Variants in LAMC3 observed in about 807,000 individuals in gnomAD.
LAMC3 encodes laminin subunit gamma 3.
In LAMC3, 128 loss-of-function variants were observed where a neutral mutation model predicts 173.8. The ratio of observed to expected loss-of-function variants is 0.74; its 90% CI spans 0.64 to 0.85. The LOEUF (loss-of-function observed/expected upper bound fraction) is 0.85, where lower values mean the gene tolerates loss of function less well. Ranked by LOEUF, LAMC3 falls within the 40% of genes least tolerant of loss-of-function variation. LAMC3 has a pLI of 0.00. For missense variants in LAMC3, 2,022 were observed against 2,156.0 expected (o/e 0.94, Z 1.23); for synonymous variants, 897 against 909.1 (o/e 0.99, Z 0.24).
intron 4 of LAMC3, among the ~76,000 whole-genome samples, chr9:131,037,781 T>C (rs943266050): frequency 6.6e-6 from 1 of 152,216 alleles, no homozygotes; most frequent in Admixed American, 6.5e-5. Flanking sequence ...GCGTGAGCCA[T>C]GGCACTGGGC....
intron 11 of LAMC3, among the ~76,000 whole-genome samples, chr9:131,053,531 C>T (rs1386750328): frequency 1.3e-5 from 2 of 152,144 alleles, no homozygotes; most frequent in Non-Finnish European, 2.9e-5. Flanking sequence ...TCTACCCACA[C>T]GCTATTTTAA....
chr9:131,032,057 A>G lies in LAMC3; in HGVS notation c.691A>G (p.Ser231Gly). Reference sequence around the variant, plus strand: ...CCCTCTGCCCCAGGAGTGGGTCACCAGCACCGAACTCCTCATCTCTCTAGA... The same window carrying G: ...CCCTCTGCCCCAGGAGTGGGTCACCGGCACCGAACTCCTCATCTCTCTAGA... ...ESPGLQEWVT[S>G]TELLISLDRL... Residue 231 changes from serine (S) to glycine (G), a missense_variant, in exon 3 of 28, where the codon AGC becomes GGC. Physicochemically the swap from Ser to Gly is moderately conservative, Grantham distance 56. Coordinates refer to ENST00000361069, the MANE Select transcript of LAMC3 (RefSeq NM_006059.4). 4 of 1,613,986 alleles carry G rather than the reference A, an allele frequency of 2.5e-6. No homozygotes were observed. The highest frequency in any genetic ancestry group is 3.4e-6 in the Non-Finnish European group (4 of 1,179,948).
intron 6 of LAMC3, among the ~76,000 whole-genome samples, chr9:131,040,071 G>T (rs1834020876): frequency 7.0e-6 from 1 of 143,066 alleles, no homozygotes; most frequent in Admixed American, 7.2e-5. Context: ...CTGGAATGCA[G>T]TGGTGCCATC....
chr9:131,040,179 T>C (rs988442730), intron 6 of LAMC3, among the ~76,000 whole-genome samples: 1 of 144,346 alleles, frequency 6.9e-6, no homozygotes, highest in Non-Finnish European at 1.5e-5. Context: ...ATGCCCACTA[T>C]CTCTATTTTT....
At position 131,049,047 on chromosome 9, in the gene LAMC3, T is replaced by TG. The variant is rs1564375476; in HGVS notation, c.1553dup (p.Ser519LeufsTer2). On this transcript the variant is annotated frameshift_variant, in exon 9 of 28. Coordinates refer to ENST00000361069, the MANE Select transcript of LAMC3 (RefSeq NM_006059.4). LOFTEE classifies it high-confidence loss of function. ...GCCGAAGGCTGGTGGGCCAGAAGTGTGGGGGGCTCTGAGCACCCCCCACAA... is the reference window on the plus strand; with the variant it reads ...GCCGAAGGCTGGTGGGCCAGAAGTGTGGGGGGGCTCTGAGCACCCCCCACAA... 6 of 1,550,930 alleles carry TG rather than the reference T, an allele frequency of 3.9e-6. No individual in the cohort carries two copies. The Admixed American group carries it at 5.9e-5, about 15-fold the overall frequency.
At chr9:131,083,163 T>C (rs901252535) in intron 24 of LAMC3, among the ~76,000 whole-genome samples, 13 of 152,224 alleles carry the variant, frequency 8.5e-5, no homozygotes, top group African/African-American at 3.1e-4. Context: ...GCTGCAAATC[T>C]CACACCTGGC....
At chr9:131,044,450 C>T (rs1037533724) in intron 7 of LAMC3, among the ~76,000 whole-genome samples, 2 of 152,100 alleles carry the variant, frequency 1.3e-5, no homozygotes, top group Non-Finnish European at 2.9e-5. Context: ...ACAGAGGTTA[C>T]AGTGAGCTGA....
In LAMC3 at chr9:131,009,319, C is replaced by A; in HGVS notation, c.105C>A (p.Cys35Ter). Residue 35 changes from cysteine to a stop codon, truncating the protein, a stop_gained, in exon 1 of 28, where the codon TGC (cysteine) becomes TGA (stop). Transcript: ENST00000361069. LOFTEE classifies it high-confidence loss of function. This position sits in a 1 kb window ranked among gnomAD's most constrained non-coding sequence, Gnocchi z 4.3. The stretch of plus-strand genomic sequence containing the variant: ...ACGGCGCAGGGCGCCCGCAGCGCTG[C>A]CTGCCGGTGTTCGAGAACGCGGCGT... ...CYDGAGRPQRCLPVFENAAFG... is the reference protein window; with the variant it reads ...CYDGAGRPQR 1 of 1,474,066 alleles carries A rather than the reference C, an allele frequency of 6.8e-7. No homozygotes were observed. Among genetic ancestry groups the A allele is most frequent in the South Asian group, 1.3e-5 (1 of 77,120 alleles). 91.3% of individuals were successfully genotyped at this position (1,474,066 alleles called of 1,614,324 possible). A position where few individuals can be genotyped will look rare whatever the true frequency, so the allele number is the denominator to read the frequency against.
At chr9:131,060,950 A>C in intron 12 of LAMC3, 85 bp from the exon 13 acceptor site, 1 of 1,398,308 alleles carries the variant, frequency 7.2e-7, no homozygotes, top group Non-Finnish European at 1.0e-6. Flanking sequence ...TCTGCCCGGG[A>C]TGTGCTCCCT....
chr9:131,027,872 G>A (rs1056111643), intron 2 of LAMC3, among the ~76,000 whole-genome samples: 5 of 152,218 alleles, frequency 3.3e-5, no homozygotes, highest in African/African-American at 1.2e-4. Context: ...CTCCAGTTCA[G>A]CCCACGTAGG....
At chr9:131,079,827 C>G (rs1241388947) in intron 23 of LAMC3, among the ~76,000 whole-genome samples, 1 of 152,080 alleles carries the variant, frequency 6.6e-6, no homozygotes, top group Non-Finnish European at 1.5e-5. Context: ...CAGAGGACAG[C>G]AGCAGCAGCA....
intron 7 of LAMC3, among the ~76,000 whole-genome samples, chr9:131,042,478 T>G (rs535331851): frequency 2.2e-4 from 32 of 145,262 alleles, no homozygotes; most frequent in African/African-American, 8.0e-4. Flanking sequence ...CAACCCTCCC[T>G]TTTCACACTC....
At position 131,009,411 on chromosome 9, in the gene LAMC3, G is replaced by A; in HGVS notation, c.197G>A (p.Gly66Asp). ...SPPEDFCPHV[G>D]AAGAGAHCQR... ...CCCGAGGACTTCTGTCCCCACGTGG[G>A]CGCCGCGGGCGCGGGGGCTCATTGC... The change falls in exon 1 of 28, where the codon GGC becomes GAC. Residue 66 changes from glycine to aspartate, a missense_variant. Coordinates refer to ENST00000361069, the MANE Select transcript of LAMC3 (RefSeq NM_006059.4). This position sits in a 1 kb window ranked among gnomAD's most constrained non-coding sequence, Gnocchi z 4.3. The A allele has an allele frequency of 6.5e-7, 1 of 1,540,474 alleles. No individual in the cohort carries two copies. The highest frequency in any genetic ancestry group is 8.7e-7 in the Non-Finnish European group (1 of 1,145,046).
intron 1 of LAMC3, among the ~76,000 whole-genome samples, chr9:131,012,694 AGGCCGTCTGATGACCT>A (rs1168400814): frequency 6.6e-6 from 1 of 152,124 alleles, no homozygotes; most frequent in African/African-American, 2.4e-5. Flanking sequence ...TCCCCTGTGG[AGGCCGTCTGATGACCT>A]CTCCTCCTGG....
At position 131,092,289 on chromosome 9, in the gene LAMC3, G is replaced by A. The variant is rs1404006430; in HGVS notation, c.*502G>A. 3 of 184,482 alleles carry A rather than the reference G, an allele frequency of 1.6e-5. No individual in the cohort carries two copies. The highest frequency in any genetic ancestry group is 1.6e-4 in the Admixed American group (3 of 18,658). The allele number at this position is 184,482 out of a possible 1,614,324, so 11.4% of individuals were successfully genotyped here. ...TCTCAGCAGATCTGCAGAGATCAAG[G>A]GGGTCAGCAACAGCCAAAGCCCCTA... On this transcript the variant is annotated 3_prime_UTR_variant, in exon 28 of 28. Coordinates refer to ENST00000361069, the MANE Select transcript of LAMC3 (RefSeq NM_006059.4).
In LAMC3 at chr9:131,058,110, T is replaced by G. The variant is rs76306480; in HGVS notation, c.2158+963T>G. On this transcript the variant is annotated intron_variant, in intron 12 of 27. Coordinates refer to ENST00000361069, the MANE Select transcript of LAMC3 (RefSeq NM_006059.4). The stretch of plus-strand genomic sequence containing the variant: ...TCTCACTTCTTTTTATTTTATTTTA[T>G]GTTTTATTTTTTATTTTTTGTGGGG... Among the ~76,000 whole-genome samples the G allele has an allele frequency of 9.8e-3, 704 of 71,908 alleles. 22 individuals are homozygous for G. The East Asian group carries it at 0.1, about 10-fold the overall frequency. 47.2% of individuals were successfully genotyped at this position (71,908 alleles called of 152,430 possible).
At chr9:131,068,780 A>G in intron 15 of LAMC3, 128 bp from the exon 16 acceptor site, 3 of 922,074 alleles carry the variant, frequency 3.3e-6, no homozygotes, top group Non-Finnish European at 5.0e-6. Flanking sequence ...TGTGCCATGC[A>G]CCGAGAGGAG....
In LAMC3 at chr9:131,024,752, CTTGCTAGGCACT is replaced by C. The variant is rs1833688172; in HGVS notation, c.374-1532_374-1521del. 7.9e-5 allele frequency among the ~76,000 whole-genome samples: 12 copies of C among 152,324 alleles called. No homozygotes were observed. In the South Asian group the frequency reaches 2.5e-3, roughly 32 times the overall value. On this transcript the variant is annotated intron_variant, in intron 1 of 27. Coordinates refer to ENST00000361069, the MANE Select transcript of LAMC3 (RefSeq NM_006059.4). ...TGAATGCCTGCCAGGTGTCAGGCAC[CTTGCTAGGCACT>C]GGGATGGCAGAGATTACCAAAGAGA...
Position 131,009,660 on chromosome 9 carries a change from G to C in LAMC3, c.373+73G>C. The C allele has an allele frequency of 6.6e-7, 1 of 1,518,208 alleles. No individual in the cohort carries two copies. The highest frequency in any genetic ancestry group is 1.2e-5 in the South Asian group (1 of 82,700). The allele number at this position is 1,518,208 out of a possible 1,614,324, so 94.0% of individuals were successfully genotyped here. A position where few individuals can be genotyped will look rare whatever the true frequency, so the allele number is the denominator to read the frequency against. On this transcript the variant is annotated intron_variant, in intron 1 of 27. Transcript: ENST00000361069. The surrounding 1 kb of genome is among the most constrained non-coding windows in gnomAD (Gnocchi z 4.3). ...CACTGGGGGTCTGAGGCTGAGGCCT[G>C]AGCTGCTGTGCGCCCAGGTTGGGCT...
Sources: gnomAD v4.1 joint callset for allele counts (sites outside exome capture counted in the v4.1 genomes callset) on GRCh38, gnomAD v4.1.1 for gene constraint, Gnocchi (gnomAD v3.1) non-coding constraint, MANE v1.5 for transcripts, NCBI Gene and HGNC (gene_info 2026-07-23, HGNC 2026-07-21) for gene names.